EPB41: variants seen among roughly 807,000 people sequenced by gnomAD.
The protein encoded by EPB41 is erythrocyte membrane protein band 4.1.
Under a neutral mutation model 108.0 loss-of-function variants are expected in EPB41, and 65 were observed. That is an observed-to-expected ratio of 0.60 (90% CI 0.49 to 0.74). EPB41 has a LOEUF of 0.74. Ranked by LOEUF, EPB41 falls within the 30% of genes least tolerant of loss-of-function variation. The pLI, the probability that EPB41 is intolerant of heterozygous loss-of-function variation, is 0.00. For synonymous variants in EPB41, 336 were observed against 358.9 expected (o/e 0.94, Z 0.72); for missense variants, 875 against 1,037.0 (o/e 0.84, Z 2.15).
At chr1:28,989,131 T>C (rs1263639052) in intron 2 of EPB41, among the ~76,000 whole-genome samples, 2 of 152,246 alleles carry the variant, frequency 1.3e-5, no homozygotes, top group Non-Finnish European at 2.9e-5. Context: ...GTCTACCTTA[T>C]TTTGATCATC....
At chr1:28,917,997 T>A (rs898220955) in intron 1 of EPB41, among the ~76,000 whole-genome samples, 2 of 152,196 alleles carry the variant, frequency 1.3e-5, no homozygotes, top group South Asian at 4.1e-4. Context: ...CAGTTTCATA[T>A]TGCTAATCTG....
Position 29,119,783 on chromosome 1 carries a change from G to C in EPB41, c.*2971G>C, listed in dbSNP as rs560331215. The C allele has an allele frequency of 7.3e-5, 11 of 151,696 alleles. No individual in the cohort carries two copies. In the South Asian group the frequency reaches 1.9e-3, roughly 26 times the overall value. 9.4% of individuals were successfully genotyped at this position (151,696 alleles called of 1,614,324 possible). A position where few individuals can be genotyped will look rare whatever the true frequency, so the allele number is the denominator to read the frequency against. On this transcript the variant is annotated 3_prime_UTR_variant, in exon 21 of 21. Coordinates refer to ENST00000343067, the MANE Select transcript of EPB41 (RefSeq NM_001376013.1). Reference sequence around the variant, plus strand: ...TTGTTTCTACAAATCTCTCTCAAATGTATTATTTTGGTGACAAAAATGAAG... The same window carrying C: ...TTGTTTCTACAAATCTCTCTCAAATCTATTATTTTGGTGACAAAAATGAAG...
intron 1 of EPB41, among the ~76,000 whole-genome samples, chr1:28,946,019 G>T (rs146976323): frequency 6.6e-6 from 1 of 152,150 alleles, no homozygotes; most frequent in Non-Finnish European, 1.5e-5. Flanking sequence ...AAAAAAGTGA[G>T]TTTATGCCTT....
At chr1:28,896,496 C>A (rs1024678392) in intron 1 of EPB41, among the ~76,000 whole-genome samples, 2 of 152,206 alleles carry the variant, frequency 1.3e-5, no homozygotes, top group African/African-American at 4.8e-5. Context: ...AGTCCTTCCC[C>A]ACCTTCCCCA....
At chr1:28,947,891 A>G (rs1331623016) in intron 1 of EPB41, among the ~76,000 whole-genome samples, 1 of 152,182 alleles carries the variant, frequency 6.6e-6, no homozygotes, top group African/African-American at 2.4e-5. Context: ...GGAATTTTAT[A>G]TTAGTTCTTG....
chr1:28,937,618 C>T (rs1250177572), intron 1 of EPB41, among the ~76,000 whole-genome samples: 1 of 152,228 alleles, frequency 6.6e-6, no homozygotes, highest in African/African-American at 2.4e-5. Flanking sequence ...TGGTCTTTAA[C>T]TCCTGACCTC....
chr1:29,092,736 TG>T (rs1181817662), intron 16 of EPB41, among the ~76,000 whole-genome samples: 1 of 152,094 alleles, frequency 6.6e-6, no homozygotes, highest in Non-Finnish European at 1.5e-5. Context: ...TGGTGTCTGT[TG>T]TTCCCCTCCT....
intron 17 of EPB41, among the ~76,000 whole-genome samples, 164 bp from the exon 18 acceptor site, chr1:29,109,172 T>G (rs970097488): frequency 6.7e-6 from 1 of 150,252 alleles, no homozygotes. Context: ...CATTCCAGCC[T>G]GGGCGACAAG....
At chr1:28,946,595 C>T (rs2094497484) in intron 1 of EPB41, among the ~76,000 whole-genome samples, 1 of 152,100 alleles carries the variant, frequency 6.6e-6, no homozygotes, top group South Asian at 2.1e-4. Context: ...TTTAGGATTT[C>T]TGTAACACGT....
At chr1:28,979,847 G>A (rs577115430) in intron 1 of EPB41, among the ~76,000 whole-genome samples, 1 of 152,146 alleles carries the variant, frequency 6.6e-6, no homozygotes, top group Admixed American at 6.5e-5. Flanking sequence ...TTGAAGATTT[G>A]GCAGACTTGG....
At chr1:29,017,417 A>G (rs1412730370) in intron 6 of EPB41, among the ~76,000 whole-genome samples, 1 of 152,208 alleles carries the variant, frequency 6.6e-6, no homozygotes. Flanking sequence ...GTGGTAAGGA[A>G]GTCAGGGCCA....
rs147477580 is a variant in EPB41, at chr1:28,935,471, C to G, written c.-8+20703C>G. 6.1e-5 allele frequency among the ~76,000 whole-genome samples: 3 copies of G among 49,466 alleles called. 1 individual carries two copies. The highest frequency in any genetic ancestry group is 4.0e-5 in the Non-Finnish European group (1 of 25,074). 32.5% of individuals were successfully genotyped at this position (49,466 alleles called of 152,430 possible). ...CACACACACACACACACACACACCCCCCCCCCCCCAAGATCTACGCACTAA... is the reference window on the plus strand; with the variant it reads ...CACACACACACACACACACACACCCGCCCCCCCCCAAGATCTACGCACTAA... On this transcript the variant is annotated intron_variant, in intron 1 of 20. Coordinates refer to ENST00000343067, the MANE Select transcript of EPB41 (RefSeq NM_001376013.1).
In EPB41 at chr1:29,035,909, T is replaced by A; in HGVS notation, c.1449T>A (p.His483Gln). ...AATTATGGAAAGTCTGTGTAGAACA[T>A]CACACGTTTTTCAGGTATTATTCTC... ...AKKLWKVCVE[H>Q]HTFFRLTSTD... Residue 483 changes from histidine (H) to glutamine (Q), a missense_variant, in exon 10 of 21, where the codon CAT (histidine) becomes CAA (glutamine). This residue lies in a region of EPB41 where 519 missense variants were observed against 627.3 expected (regional missense o/e 0.83). Coordinates refer to ENST00000343067, the MANE Select transcript of EPB41 (RefSeq NM_001376013.1). The A allele has an allele frequency of 6.2e-7, 1 of 1,611,856 alleles. No homozygotes were observed. The highest frequency in any genetic ancestry group is 8.5e-7 in the Non-Finnish European group (1 of 1,177,930).
At position 28,953,806 on chromosome 1, in the gene EPB41, G is replaced by A. The variant is rs2094839145; in HGVS notation, c.-7-33625G>A. Among the ~76,000 whole-genome samples the A allele has an allele frequency of 2.6e-5, 4 of 152,174 alleles. No individual in the cohort carries two copies. The South Asian group carries it at 8.3e-4, about 32-fold the overall frequency. On this transcript the variant is annotated intron_variant, in intron 1 of 20. Transcript: ENST00000343067. ...ATGGACACCAGGGTCCGAAGCCAAG[G>A]TTCTCAAAGTTAAGCATTTATCAAA...
chr1:28,932,714 A>G (rs1312421606), intron 1 of EPB41, among the ~76,000 whole-genome samples: 1 of 152,106 alleles, frequency 6.6e-6, no homozygotes, highest in Admixed American at 6.6e-5. Flanking sequence ...TTCTTTTGGT[A>G]GTGAAAATCA....
chr1:29,088,971 A>G (rs754030325), intron 16 of EPB41, among the ~76,000 whole-genome samples: 3 of 152,202 alleles, frequency 2.0e-5, no homozygotes, highest in Non-Finnish European at 4.4e-5. Context: ...CATAAGTAAA[A>G]TAAATAGGAC....
At chr1:29,096,461 T>C (rs1663250966) in intron 16 of EPB41, 1 of 985,710 alleles carries the variant, frequency 1.0e-6, no homozygotes, top group African/African-American at 1.7e-5. Context: ...AACACCAGCT[T>C]CCTGTCAGCT....
rs142705709 is a variant in EPB41 at position 28,987,470 on chromosome 1, C to T, written c.33C>T (p.Ala11=). 27 of 1,613,956 alleles carry T rather than the reference C, an allele frequency of 1.7e-5. No individual in the cohort carries two copies. Among genetic ancestry groups the T allele is most frequent in the Admixed American group, 6.7e-5 (4 of 60,004 alleles). Residue 11 remains alanine (A), a synonymous_variant, in exon 2 of 21, where the codon GCC becomes GCT. Coordinates refer to ENST00000343067, the MANE Select transcript of EPB41 (RefSeq NM_001376013.1). The stretch of plus-strand genomic sequence containing the variant: ...CAGAGAAGAGTTTAGTGACTGAGGC[C>T]GAAAATTCACAGCACCAACAGAAGG... MTTEKSLVTE[A]ENSQHQQKEE...
chr1:28,937,911 G>A (rs1432391079), intron 1 of EPB41, among the ~76,000 whole-genome samples: 1 of 152,140 alleles, frequency 6.6e-6, no homozygotes, highest in Non-Finnish European at 1.5e-5. Context: ...TCACTCACTT[G>A]CAGGTAGATG....
Sources: allele counts gnomAD v4.1 joint callset (sites outside exome capture counted in the v4.1 genomes callset), GRCh38; gene constraint gnomAD v4.1.1; regional missense constraint gnomAD v4.1.1; transcripts MANE v1.5; gene names NCBI Gene and HGNC (gene_info 2026-07-23, HGNC 2026-07-21).